Variants in SDR9C7 observed in about 807,000 individuals in gnomAD.
The protein encoded by SDR9C7 is short chain dehydrogenase/reductase family 9C member 7, also known as short-chain dehydrogenase/reductase family 9C member 7.
A neutral mutation model predicts 23.6 loss-of-function variants in SDR9C7; 11 were observed. The observed-to-expected ratio is 0.47, with a 90% CI of 0.29 to 0.77. The LOEUF is 0.77. SDR9C7 is among the 30% of genes least tolerant of loss of function. The probability of loss-of-function intolerance (pLI) is 0.09; values close to 1 mark genes in which losing one functional copy is unlikely to be tolerated. For synonymous variants in SDR9C7, 167 were observed against 157.3 expected (o/e 1.06, Z -0.46); for missense variants, 387 against 407.1 (o/e 0.95, Z 0.42).
chr12:56,928,157 C>T (rs1026226476), intron 3 of SDR9C7, among the ~76,000 whole-genome samples: 1 of 152,158 alleles, frequency 6.6e-6, no homozygotes, highest in African/African-American at 2.4e-5. Context: ...TCTCCCTCAC[C>T]CCTTAATCCT....
intron 1 of SDR9C7, 21 bp downstream of exon 1, chr12:56,933,940 A>G (rs1404221164): frequency 6.3e-7 from 1 of 1,591,472 alleles, no homozygotes; most frequent in South Asian, 1.1e-5. Flanking sequence ...CAAGAAAGCC[A>G]AAGAATGTAA....
intron 3 of SDR9C7, 94 bp from the exon 4 acceptor site, chr12:56,924,144 C>A: frequency 1.2e-6 from 1 of 828,804 alleles, no homozygotes; most frequent in Non-Finnish European, 1.9e-6. Context: ...CCATCAGATC[C>A]CTGATCTAAC....
intron 3 of SDR9C7, among the ~76,000 whole-genome samples, chr12:56,925,410 G>A (rs1310343095): frequency 6.6e-6 from 1 of 152,124 alleles, no homozygotes; most frequent in Non-Finnish European, 1.5e-5. Context: ...CCCTGATAAG[G>A]TATGAAAACT....
intron 3 of SDR9C7, among the ~76,000 whole-genome samples, chr12:56,926,441 T>C (rs1182988441): frequency 6.6e-6 from 1 of 152,214 alleles, no homozygotes; most frequent in Non-Finnish European, 1.5e-5. Context: ...CTCTAATGCC[T>C]TTAGGATAAG....
Position 56,934,048 on chromosome 12 carries a change from G to T in SDR9C7, c.214C>A (p.Arg72=). The T allele has an allele frequency of 6.2e-7, 1 of 1,614,180 alleles. No homozygotes were observed. Among genetic ancestry groups the T allele is most frequent in the Non-Finnish European group, 8.5e-7 (1 of 1,180,036 alleles). Residue 72 remains arginine (R), a synonymous_variant, in exon 1 of 4, where the codon CGG becomes AGG. Coordinates refer to ENST00000293502, the MANE Select transcript of SDR9C7 (RefSeq NM_148897.3). The part of the protein sequence containing the change: ...SQKLQRDTSY[R]LQTTLLDVTK... ...ACATCCAGTAGGGTGGTCTGCAGCC[G>T]ATAGGAGGTATCCCGCTGAAGTTTC...
chr12:56,933,653 C>T (rs540428326), intron 1 of SDR9C7, among the ~76,000 whole-genome samples: 1 of 152,242 alleles, frequency 6.6e-6, no homozygotes, highest in Non-Finnish European at 1.5e-5. Context: ...CCACCACGCC[C>T]AGCCAGGCAC....
chr12:56,928,089 A>G (rs536180663), intron 3 of SDR9C7, among the ~76,000 whole-genome samples: 2 of 152,066 alleles, frequency 1.3e-5, no homozygotes, highest in South Asian at 4.1e-4. Flanking sequence ...GAATGAAGAC[A>G]CCTCCATTCA....
chr12:56,933,433 A>G, intron 1 of SDR9C7, among the ~76,000 whole-genome samples: 1 of 151,994 alleles, frequency 6.6e-6, no homozygotes, highest in East Asian at 1.9e-4. Flanking sequence ...ATCTTGGCTC[A>G]CTGCAACCTC....
chr12:56,932,279 C>A lies in SDR9C7; in HGVS notation c.301+1682G>T, dbSNP rs1955772834. On this transcript the variant is annotated intron_variant, in intron 1 of 3. Coordinates refer to ENST00000293502, the MANE Select transcript of SDR9C7 (RefSeq NM_148897.3). Reference sequence around the variant, plus strand: ...GTCCTAAGTGGAAAGAGGCAGAAACCGGAGAATCAGAGAGCTTGAGAAAAG... The same window carrying A: ...GTCCTAAGTGGAAAGAGGCAGAAACAGGAGAATCAGAGAGCTTGAGAAAAG... Among the ~76,000 whole-genome samples the A allele has an allele frequency of 2.0e-5, 3 of 152,248 alleles. No individual in the cohort carries two copies. In the South Asian group the frequency reaches 6.2e-4, roughly 32 times the overall value.
intron 1 of SDR9C7, among the ~76,000 whole-genome samples, chr12:56,931,001 G>A (rs549321455): frequency 2.0e-5 from 3 of 152,276 alleles, no homozygotes; most frequent in South Asian, 4.1e-4. Context: ...AGAGGCTGAG[G>A]TGGGAGGATC....
chr12:56,929,595 C>A, intron 2 of SDR9C7, 42 bp from the exon 3 acceptor site: 1 of 1,584,800 alleles, frequency 6.3e-7, no homozygotes, highest in African/African-American at 1.3e-5. Context: ...CCCAAGATGA[C>A]AATCATCACG....
Position 56,930,215 on chromosome 12 carries a change from G to C in SDR9C7, c.560+11C>G. 1 of 1,613,650 alleles carries C rather than the reference G, an allele frequency of 6.2e-7. No individual in the cohort carries two copies. The highest frequency in any genetic ancestry group is 8.5e-7 in the Non-Finnish European group (1 of 1,179,778). On this transcript the variant is annotated intron_variant, in intron 2 of 3. Transcript: ENST00000293502. ...TTCACCCAGAATTGTTCAGTACCAG[G>C]GCCCAGTTACCTTATGCTGTCAGAG... is the stretch of plus-strand genomic sequence containing the variant.
rs781197553 is a variant in SDR9C7 at position 56,934,245 on chromosome 12, T to A, written c.17A>T (p.Asp6Val). 1.2e-6 allele frequency: 2 copies of A among 1,613,372 alleles called. No homozygotes were observed. Among genetic ancestry groups the A allele is most frequent in the Non-Finnish European group, 8.5e-7 (1 of 1,179,548 alleles). ...GAACCAGCGATACATAAATGAGAGG[T>A]CTGTGAGGGCCGCCATAGGGCAAGG... MAALT[D>V]LSFMYRWFKN... The change falls in exon 1 of 4, where the codon GAC becomes GTC. Residue 6 changes from aspartate (D) to valine (V), a missense_variant. Physicochemically the swap from Asp to Val is radical, Grantham distance 152. Transcript: ENST00000293502.
Position 56,934,037 on chromosome 12 carries a change from G to A in SDR9C7, c.225C>T (p.Thr75=), listed in dbSNP as rs1592425147. The change falls in exon 1 of 4, where the codon ACC becomes ACT. Residue 75 remains threonine, a synonymous_variant. Transcript: ENST00000293502. The part of the protein sequence containing the change: ...LQRDTSYRLQ[T]TLLDVTKSES... ...CGCTCTTGGTGACATCCAGTAGGGT[G>A]GTCTGCAGCCGATAGGAGGTATCCC... 1 of 1,614,202 alleles carries A rather than the reference G, an allele frequency of 6.2e-7. No individual in the cohort carries two copies. The highest frequency in any genetic ancestry group is 2.2e-5 in the East Asian group (1 of 44,888).
rs750409673 is a variant in SDR9C7, at chr12:56,934,147, TC to T, written c.114del (p.Asn39ThrfsTer55). 1 of 1,614,178 alleles carries T rather than the reference TC, an allele frequency of 6.2e-7. No individual in the cohort carries two copies. Among genetic ancestry groups the T allele is most frequent in the Non-Finnish European group, 8.5e-7 (1 of 1,180,048 alleles). On this transcript the variant is annotated frameshift_variant, in exon 1 of 4. Transcript: ENST00000293502. LOFTEE classifies it high-confidence loss of function. Reference sequence around the variant, plus strand: ...TCAACCAGCTGTTTGGCCAGCAGGTTCCCGAAGCCAGAGTCACAGCCTGTGA... The same window carrying T: ...TCAACCAGCTGTTTGGCCAGCAGGTTCCGAAGCCAGAGTCACAGCCTGTGA... Reference protein sequence around the residue: ...VFITGCDSGFGNLLAKQLVDR... With the variant: ...VFITGCDSGFXNLLAKQLVDR...
rs1044034643 is a variant in SDR9C7 at position 56,929,468 on chromosome 12, C to G, written c.646G>C (p.Glu216Gln). 1 of 1,613,798 alleles carries G rather than the reference C, an allele frequency of 6.2e-7. No individual in the cohort carries two copies. Among genetic ancestry groups the G allele is most frequent in the Non-Finnish European group, 8.5e-7 (1 of 1,179,802 alleles). ...RTAILGKENLESRMRKLWERL... is the reference protein window; with the variant it reads ...RTAILGKENLQSRMRKLWERL... The stretch of plus-strand genomic sequence containing the variant: ...TCCCAAAGCTTTCGCATGCGTGACT[C>G]CAGGTTCTCCTTGCCGAGAATGGCT... Residue 216 changes from glutamate to glutamine, a missense_variant, in exon 3 of 4, where the codon GAG (glutamate) becomes CAG (glutamine). Coordinates refer to ENST00000293502, the MANE Select transcript of SDR9C7 (RefSeq NM_148897.3).
At position 56,934,150 on chromosome 12, in the gene SDR9C7, C is replaced by G. The variant is rs764593071; in HGVS notation, c.112G>C (p.Gly38Arg). 3 of 1,614,080 alleles carry G rather than the reference C, an allele frequency of 1.9e-6. No homozygotes were observed. The highest frequency in any genetic ancestry group is 2.5e-6 in the Non-Finnish European group (3 of 1,180,054). ...VFITGCDSGF[G>R]NLLAKQLVDR... is the part of the protein sequence containing the mutation. ...ACCAGCTGTTTGGCCAGCAGGTTCCCGAAGCCAGAGTCACAGCCTGTGATG... is the reference window on the plus strand; with the variant it reads ...ACCAGCTGTTTGGCCAGCAGGTTCCGGAAGCCAGAGTCACAGCCTGTGATG... The change falls in exon 1 of 4, where the codon GGG becomes CGG. Residue 38 changes from glycine to arginine, a missense_variant. Gly to Arg is a moderately radical substitution (Grantham distance 125). Coordinates refer to ENST00000293502, the MANE Select transcript of SDR9C7 (RefSeq NM_148897.3).
intron 3 of SDR9C7, among the ~76,000 whole-genome samples, chr12:56,928,143 T>C (rs1308696417): frequency 2.0e-5 from 3 of 152,196 alleles, no homozygotes. Flanking sequence ...CCTTGATAGC[T>C]TCCTCTCCCT....
chr12:56,924,357 A>C (rs923315839), intron 3 of SDR9C7, among the ~76,000 whole-genome samples: 3 of 152,152 alleles, frequency 2.0e-5, no homozygotes, highest in African/African-American at 7.2e-5. Context: ...TGAACCCAGG[A>C]GGCTGAGGTT....
Sources: allele counts gnomAD v4.1 joint callset (sites outside exome capture counted in the v4.1 genomes callset), GRCh38; gene constraint gnomAD v4.1.1; transcripts MANE v1.5; gene names NCBI Gene and HGNC (gene_info 2026-07-23, HGNC 2026-07-21).